STXBP5L: variants seen among roughly 807,000 people sequenced by gnomAD.
The protein encoded by STXBP5L is syntaxin binding protein 5L, also known as syntaxin-binding protein 5-like.
STXBP5L carries 65 observed loss-of-function variants against 144.5 expected under a neutral mutation model. That is an observed-to-expected ratio of 0.45 (90% CI 0.37 to 0.55). The LOEUF (loss-of-function observed/expected upper bound fraction) is 0.55. STXBP5L is among the 20% of genes least tolerant of loss of function. The pLI, the probability that STXBP5L is intolerant of heterozygous loss-of-function variation, is 0.00. For synonymous variants in STXBP5L, 505 were observed against 469.6 expected, an observed-to-expected ratio of 1.08 and a Z score of -0.97; for missense variants, 1,298 against 1,405.5, an observed-to-expected ratio of 0.92 and a Z score of 1.22.
intron 5 of STXBP5L, among the ~76,000 whole-genome samples, chr3:121,095,427 C>G (rs1279578037): frequency 6.6e-6 from 1 of 152,202 alleles, no homozygotes; most frequent in Non-Finnish European, 1.5e-5. Context: ...TTACACCAAT[C>G]AGATGTGGAT....
intron 2 of STXBP5L, among the ~76,000 whole-genome samples, chr3:120,912,551 A>G (rs1417773114): frequency 6.6e-6 from 1 of 151,890 alleles, no homozygotes; most frequent in African/African-American, 2.4e-5. Context: ...TGTACCCTTC[A>G]TAATAAACAA....
chr3:121,227,668 G>A (rs928207719), intron 11 of STXBP5L, among the ~76,000 whole-genome samples: 23 of 152,038 alleles, frequency 1.5e-4, no homozygotes, highest in African/African-American at 5.1e-4. Context: ...AATAACTGTG[G>A]ATGACAAAAA....
Position 121,221,196 on chromosome 3 carries a change from C to T in STXBP5L, c.957-1807C>T, listed in dbSNP as rs1032790833. The stretch of plus-strand genomic sequence containing the variant: ...GAGGAAATAACTTTTTATTCAGTCA[C>T]TCAGTAGTTTATAGAGAAATGCATA... On this transcript the variant is annotated intron_variant, in intron 10 of 26. Coordinates refer to ENST00000471454, the MANE Select transcript of STXBP5L (RefSeq NM_001308330.2). 2.0e-5 allele frequency among the ~76,000 whole-genome samples: 3 copies of T among 151,920 alleles called. No individual in the cohort carries two copies. The Admixed American group carries it at 2.0e-4, about 10-fold the overall frequency.
intron 9 of STXBP5L, among the ~76,000 whole-genome samples, chr3:121,187,200 A>C (rs1448175857): frequency 6.6e-6 from 1 of 152,200 alleles, no homozygotes; most frequent in Non-Finnish European, 1.5e-5. Context: ...GCACATGTAC[A>C]CCATGGAATA....
intron 20 of STXBP5L, chr3:121,324,663 C>G (rs964533214): frequency 1.7e-6 from 1 of 599,102 alleles, no homozygotes; most frequent in Admixed American, 3.1e-5. Flanking sequence ...CAACTTGTCT[C>G]AAAACTTTAT....
intron 3 of STXBP5L, among the ~76,000 whole-genome samples, chr3:121,038,007 C>T (rs1021775614): frequency 2.0e-5 from 3 of 151,780 alleles, no homozygotes; most frequent in African/African-American, 7.2e-5. Context: ...TATTCCTTTC[C>T]TTATAAAAGG....
At chr3:121,303,532 A>G (rs1336846825) in intron 19 of STXBP5L, among the ~76,000 whole-genome samples, 1 of 152,184 alleles carries the variant, frequency 6.6e-6, no homozygotes, top group African/African-American at 2.4e-5. Flanking sequence ...TACTGGGTAT[A>G]TACCCAAAGG....
chr3:121,079,256 G>A (rs1295851405), intron 5 of STXBP5L, among the ~76,000 whole-genome samples: 1 of 152,238 alleles, frequency 6.6e-6, no homozygotes, highest in Non-Finnish European at 1.5e-5. Context: ...TGTGAGGCAG[G>A]AAGTGAGTTA....
At chr3:120,963,936 G>C (rs192127457) in intron 3 of STXBP5L, among the ~76,000 whole-genome samples, 1 of 152,094 alleles carries the variant, frequency 6.6e-6, no homozygotes, top group Non-Finnish European at 1.5e-5. Context: ...ATTAATTATT[G>C]CCTCAATTTC....
intron 3 of STXBP5L, among the ~76,000 whole-genome samples, chr3:121,018,300 T>A (rs980106914): frequency 6.6e-6 from 1 of 152,104 alleles, no homozygotes; most frequent in South Asian, 2.1e-4. Flanking sequence ...TGGGAGACTG[T>A]CATTACTGGA....
intron 22 of STXBP5L, among the ~76,000 whole-genome samples, chr3:121,392,986 T>C (rs948583270): frequency 2.6e-4 from 39 of 151,908 alleles, no homozygotes; most frequent in Non-Finnish European, 8.8e-5. Context: ...GTTTTATTTT[T>C]AGTTATTTGA....
At chr3:121,378,915 T>C (rs1399648535) in intron 21 of STXBP5L, 29 bp downstream of exon 21, 1 of 1,594,906 alleles carries the variant, frequency 6.3e-7, no homozygotes, top group African/African-American at 1.3e-5. Flanking sequence ...ATTTTTTTGT[T>C]ACAGTTAAAA....
At position 121,392,399 on chromosome 3, in the gene STXBP5L, G is replaced by A. The variant is rs144493422; in HGVS notation, c.2587+10867G>A. ...CCCACCCTGCTTCAGCTCACTCTCC[G>A]TGGGCTGCACCCACTATCCAACCAG... On this transcript the variant is annotated intron_variant, in intron 22 of 26. Transcript: ENST00000471454. Among the ~76,000 whole-genome samples, 63 of 152,136 alleles carry A rather than the reference G, an allele frequency of 4.1e-4. 1 individual carries two copies. The East Asian group carries it at 7.2e-3, about 17-fold the overall frequency.
intron 20 of STXBP5L, among the ~76,000 whole-genome samples, chr3:121,352,750 G>C (rs1576260270): frequency 6.6e-6 from 1 of 151,994 alleles, no homozygotes; most frequent in Non-Finnish European, 1.5e-5. Context: ...GGGTATCCTT[G>C]TCTTGTGCTG....
At chr3:120,962,401 T>C (rs931755828) in intron 3 of STXBP5L, among the ~76,000 whole-genome samples, 1 of 152,248 alleles carries the variant, frequency 6.6e-6, no homozygotes, top group Non-Finnish European at 1.5e-5. Flanking sequence ...AGGGTTTTTA[T>C]GGTTTTAGGT....
At chr3:121,245,491 C>A (rs1319056652) in intron 14 of STXBP5L, among the ~76,000 whole-genome samples, 3 of 151,890 alleles carry the variant, frequency 2.0e-5, no homozygotes, top group African/African-American at 2.4e-5. Context: ...TGATTAAACT[C>A]CCTAATCAAA....
intron 3 of STXBP5L, among the ~76,000 whole-genome samples, chr3:121,003,581 C>G (rs1328113919): frequency 6.6e-6 from 1 of 152,142 alleles, no homozygotes; most frequent in Non-Finnish European, 1.5e-5. Flanking sequence ...TCAATTTTGG[C>G]TTTTGTTGCC....
rs150345863 is a variant in STXBP5L at position 121,110,225 on chromosome 3, A to G, written c.471-4700A>G. ...ATTTACATTTAAGGTTAATATTGTT[A>G]TGTGTGAATTTGATCCAGTCATCAT... On this transcript the variant is annotated intron_variant, in intron 5 of 26. Transcript: ENST00000471454. 4.7e-3 allele frequency among the ~76,000 whole-genome samples: 721 copies of G among 152,276 alleles called. 18 individuals are homozygous for G. The highest frequency in any genetic ancestry group is 0.014 in the East Asian group (71 of 5,182).
At chr3:121,104,334 A>G (rs545927530) in intron 5 of STXBP5L, among the ~76,000 whole-genome samples, 1 of 152,312 alleles carries the variant, frequency 6.6e-6, no homozygotes, top group East Asian at 1.9e-4. Flanking sequence ...AAAATAATCT[A>G]CAGATTCAAT....
Sources: allele counts gnomAD v4.1 joint callset (sites outside exome capture counted in the v4.1 genomes callset), GRCh38; gene constraint gnomAD v4.1.1; transcripts MANE v1.5; gene names NCBI Gene and HGNC (gene_info 2026-07-23, HGNC 2026-07-21).